BMPR2: variants seen among roughly 807,000 people sequenced by gnomAD.
BMPR2 encodes the protein bone morphogenetic protein receptor type-2.
A neutral mutation model predicts 100.8 loss-of-function variants in BMPR2; 29 were observed. That is an observed-to-expected ratio of 0.29 (90% CI 0.21 to 0.39). BMPR2 has a LOEUF of 0.39. Ranked by LOEUF, BMPR2 falls within the 10% of genes least tolerant of loss-of-function variation. The pLI is 1.00. For missense variants in BMPR2, 1,011 were observed against 1,274.5 expected, an observed-to-expected ratio of 0.79 and a Z score of 3.15; for synonymous variants, 382 against 442.3, an observed-to-expected ratio of 0.86 and a Z score of 1.71.
chr2:202,449,308 C>CAAAT (rs200671172), intron 1 of BMPR2, among the ~76,000 whole-genome samples: 16,725 of 142,894 alleles, frequency 0.12, 1,003 homozygotes, highest in Middle Eastern at 0.16. Flanking sequence ...AACTCCATCT[C>CAAAT]AAATAAATAA....
rs2106020442 is a variant in BMPR2, at chr2:202,533,051, G to A, written c.1276+319G>A. 1.3e-5 allele frequency among the ~76,000 whole-genome samples: 2 copies of A among 152,224 alleles called. 1 individual carries two copies. Among genetic ancestry groups the A allele is most frequent in the Middle Eastern group, 6.8e-3 (2 of 294 alleles). ...CCTTATGCACCATCTGAGTGTTTGA[G>A]ACAAGGTACACTTACGATGTTTACT... On this transcript the variant is annotated intron_variant, in intron 9 of 12. Transcript: ENST00000374580.
At chr2:202,510,982 G>GTTTTTTT (rs370738313) in intron 3 of BMPR2, among the ~76,000 whole-genome samples, 3 of 131,998 alleles carry the variant, frequency 2.3e-5, no homozygotes, top group Non-Finnish European at 1.6e-5. Context: ...CCTGGCTTTA[G>GTTTTTTT]TTTTTTTTTT....
At position 202,555,729 on chromosome 2, in the gene BMPR2, C is replaced by T; in HGVS notation, c.2064C>T (p.His688=). The change falls in exon 12 of 13, where the codon CAC becomes CAT. Residue 688 remains histidine, a synonymous_variant. Coordinates refer to ENST00000374580, the MANE Select transcript of BMPR2 (RefSeq NM_001204.7). Reference sequence around the variant, plus strand: ...GCTCTGATGAGAATCTCATGGAGCACTCTCTTAAACAGTTCAGTGGCCCAG... The same window carrying T: ...GCTCTGATGAGAATCTCATGGAGCATTCTCTTAAACAGTTCAGTGGCCCAG... ...KESSDENLME[H]SLKQFSGPDP... 3 of 1,614,148 alleles carry T rather than the reference C, an allele frequency of 1.9e-6. No individual in the cohort carries two copies. Among genetic ancestry groups the T allele is most frequent in the Non-Finnish European group, 2.5e-6 (3 of 1,180,030 alleles).
intron 3 of BMPR2, among the ~76,000 whole-genome samples, chr2:202,493,264 A>G (rs921643325): frequency 1.3e-5 from 2 of 152,152 alleles, no homozygotes; most frequent in African/African-American, 4.8e-5. Context: ...TTCTTACTCA[A>G]TTAGGTTATT....
intron 12 of BMPR2, among the ~76,000 whole-genome samples, chr2:202,559,320 T>A (rs989986737): frequency 4.0e-5 from 6 of 150,526 alleles, no homozygotes; most frequent in Middle Eastern, 3.4e-3. Context: ...AAAAAAAAAA[T>A]TTGATCCACC....
rs774055113 is a variant in BMPR2 at position 202,376,789 on chromosome 2, A to G, written c.-686A>G. 5 of 398,692 alleles carry G rather than the reference A, an allele frequency of 1.3e-5. No individual in the cohort carries two copies. Among genetic ancestry groups the G allele is most frequent in the African/African-American group, 2.1e-5 (1 of 47,752 alleles). The allele number at this position is 398,692 out of a possible 1,614,324, so 24.7% of individuals were successfully genotyped here. A position where few individuals can be genotyped will look rare whatever the true frequency, so the allele number is the denominator to read the frequency against. On this transcript the variant is annotated 5_prime_UTR_variant, in exon 1 of 13. Transcript: ENST00000374580. Reference sequence around the variant, plus strand: ...GCGACCCCTCCCCTCCCCCGCTCCTACCTCTCCTCAGCCTTCGCCAGGGCC... The same window carrying G: ...GCGACCCCTCCCCTCCCCCGCTCCTGCCTCTCCTCAGCCTTCGCCAGGGCC...
At chr2:202,550,124 C>T (rs547000098) in intron 10 of BMPR2, among the ~76,000 whole-genome samples, 37 of 152,206 alleles carry the variant, frequency 2.4e-4, no homozygotes, top group African/African-American at 8.7e-4. Context: ...AATCCCAGCA[C>T]TTTGGAAGGT....
At chr2:202,483,826 T>C (rs1356822531) in intron 3 of BMPR2, among the ~76,000 whole-genome samples, 1 of 152,236 alleles carries the variant, frequency 6.6e-6, no homozygotes. Flanking sequence ...GTACAGTGGC[T>C]CATGCCTGTA....
intron 1 of BMPR2, among the ~76,000 whole-genome samples, chr2:202,417,574 A>G (rs1691160856): frequency 6.6e-6 from 1 of 152,108 alleles, no homozygotes. Flanking sequence ...GAGTGCTGGG[A>G]TTACAGACAT....
chr2:202,506,285 T>C (rs1687519202), intron 3 of BMPR2, among the ~76,000 whole-genome samples: 1 of 152,102 alleles, frequency 6.6e-6, no homozygotes, highest in African/African-American at 2.4e-5. Context: ...GCCTCCCAAG[T>C]AGCTGGGATT....
intron 1 of BMPR2, among the ~76,000 whole-genome samples, chr2:202,389,220 G>A (rs1171997084): frequency 6.6e-6 from 1 of 151,698 alleles, no homozygotes. Context: ...TTGAGACCCT[G>A]TCTCTTAAAT....
In BMPR2 at chr2:202,464,854, A is replaced by G; in HGVS notation, c.122A>G (p.Gln41Arg). The change falls in exon 2 of 13, where the codon CAG (glutamine) becomes CGG (arginine). Residue 41 changes from glutamine to arginine, a missense_variant. Physicochemically the swap from Gln to Arg is conservative, Grantham distance 43. Transcript: ENST00000374580. ...ERLCAFKDPY[Q>R]QDLGIGESRI... is the part of the protein sequence containing the mutation. ...CTATGTGCGTTTAAAGATCCGTATC[A>G]GCAAGACCTTGGGATAGGTGAGAGT... 1 of 1,614,184 alleles carries G rather than the reference A, an allele frequency of 6.2e-7. No homozygotes were observed. The highest frequency in any genetic ancestry group is 1.6e-4 in the Middle Eastern group (1 of 6,062).
At chr2:202,397,495 T>G (rs533971066) in intron 1 of BMPR2, among the ~76,000 whole-genome samples, 72 of 145,940 alleles carry the variant, frequency 4.9e-4, no homozygotes, top group East Asian at 3.5e-3. Flanking sequence ...TAAGTGTAGG[T>G]TTTTTTTTGT....
intron 4 of BMPR2, 46 bp downstream of exon 4, chr2:202,513,875 T>G (rs1159394321): frequency 7.1e-7 from 1 of 1,408,056 alleles, no homozygotes. Flanking sequence ...AACATGCAAT[T>G]TAATCAATTT....
intron 9 of BMPR2, among the ~76,000 whole-genome samples, chr2:202,537,314 AG>A (rs59335992): frequency 1.3e-5 from 2 of 152,350 alleles, no homozygotes; most frequent in African/African-American, 4.8e-5. Context: ...TCATCAGATT[AG>A]TACACTGCTA....
At chr2:202,496,765 C>T (rs1034388497) in intron 3 of BMPR2, among the ~76,000 whole-genome samples, 8 of 152,262 alleles carry the variant, frequency 5.3e-5, no homozygotes, top group African/African-American at 1.4e-4. Flanking sequence ...TTACCGCCCT[C>T]GCTCGCTCTC....
intron 1 of BMPR2, among the ~76,000 whole-genome samples, chr2:202,428,293 A>G (rs1481438189): frequency 6.6e-6 from 1 of 151,400 alleles, no homozygotes; most frequent in Non-Finnish European, 1.5e-5. Context: ...CTCCCTTGTC[A>G]TACTGTCAGA....
chr2:202,417,530 C>T (rs949116270), intron 1 of BMPR2, among the ~76,000 whole-genome samples: 15 of 151,938 alleles, frequency 9.9e-5, no homozygotes, highest in Admixed American at 5.9e-4. Context: ...CTCAAACTCC[C>T]GACCTCAGGT....
At chr2:202,535,966 C>T (rs575860971) in intron 9 of BMPR2, among the ~76,000 whole-genome samples, 440 of 151,182 alleles carry the variant, frequency 2.9e-3, no homozygotes, top group Non-Finnish European at 3.7e-3. Flanking sequence ...CGCAGGCACT[C>T]GGCAGGCTGA....
Sources: allele counts gnomAD v4.1 joint callset (sites outside exome capture counted in the v4.1 genomes callset), GRCh38; gene constraint gnomAD v4.1.1; transcripts MANE v1.5; gene names NCBI Gene and HGNC (gene_info 2026-07-23, HGNC 2026-07-21).